PTPRN2: variants seen among roughly 807,000 people sequenced by gnomAD.
The protein encoded by PTPRN2 is receptor-type tyrosine-protein phosphatase N2.
In PTPRN2, 74 loss-of-function variants were observed where a neutral mutation model predicts 118.8. That is an observed-to-expected ratio of 0.62 (90% CI 0.52 to 0.76). The LOEUF (loss-of-function observed/expected upper bound fraction) is 0.76, where lower values mean the gene tolerates loss of function less well. Among genes scored for constraint, PTPRN2 ranks in the 30% least tolerant of loss-of-function variants. The probability of loss-of-function intolerance (pLI) is 0.00; values close to 1 mark genes in which losing one functional copy is unlikely to be tolerated. For missense variants in PTPRN2, 1,481 were observed against 1,394.4 expected, an observed-to-expected ratio of 1.06 and a Z score of -0.99; for synonymous variants, 641 against 608.0, an observed-to-expected ratio of 1.05 and a Z score of -0.80.
chr7:158,453,931 C>G (rs1459544480), intron 2 of PTPRN2, among the ~76,000 whole-genome samples: 1 of 76,546 alleles, frequency 1.3e-5, no homozygotes, highest in East Asian at 3.3e-4. Flanking sequence ...CTATGGAGGA[C>G]AGACAAGACA....
chr7:158,456,885 C>G (rs910315247), intron 2 of PTPRN2, among the ~76,000 whole-genome samples: 1 of 152,150 alleles, frequency 6.6e-6, no homozygotes, highest in Non-Finnish European at 1.5e-5. Context: ...ATGATTCCCC[C>G]GCCTCCATCT....
intron 1 of PTPRN2, among the ~76,000 whole-genome samples, chr7:158,530,676 GT>G (rs1169007740): frequency 1.2e-4 from 18 of 152,322 alleles, no homozygotes; most frequent in African/African-American, 4.3e-4. Context: ...ATGTGTGCAG[GT>G]TTACACTAAC....
chr7:158,530,767 C>T (rs1293833997), intron 1 of PTPRN2, among the ~76,000 whole-genome samples: 1 of 152,208 alleles, frequency 6.6e-6, no homozygotes, highest in East Asian at 1.9e-4. Context: ...AACATGCACA[C>T]TCCCAAGATC....
intron 11 of PTPRN2, among the ~76,000 whole-genome samples, chr7:157,999,695 A>G (rs761015592): frequency 2.6e-5 from 4 of 152,086 alleles, no homozygotes; most frequent in Non-Finnish European, 5.9e-5. Flanking sequence ...GGCCCACCTG[A>G]TAACGAGTTC....
intron 12 of PTPRN2, among the ~76,000 whole-genome samples, chr7:157,791,532 C>T (rs1376833365): frequency 6.8e-6 from 1 of 146,322 alleles, no homozygotes; most frequent in African/African-American, 2.6e-5. Context: ...CTGCACCCGC[C>T]CCCGCTCCCT....
At chr7:157,634,973 C>T (rs960154905) in intron 14 of PTPRN2, among the ~76,000 whole-genome samples, 1 of 152,218 alleles carries the variant, frequency 6.6e-6, no homozygotes, top group Admixed American at 6.5e-5. Flanking sequence ...TTCTGACCAG[C>T]CAGCATGTCT....
rs548252339 is a variant in PTPRN2 at position 158,299,604 on chromosome 7, A to AT, written c.277+17214dup. Among the ~76,000 whole-genome samples, 10 of 151,900 alleles carry AT rather than the reference A, an allele frequency of 6.6e-5. 1 individual carries two copies. In the South Asian group the frequency reaches 1.9e-3, roughly 29 times the overall value. On this transcript the variant is annotated intron_variant, in intron 3 of 22. Transcript: ENST00000389418. ...AGCCACCACGCCTGACCAGGAAGCA[A>AT]TTTTTTTTAGCTCATTAACATGGCA...
chr7:158,328,874 C>T (rs1234321716), intron 2 of PTPRN2, among the ~76,000 whole-genome samples: 2 of 140,512 alleles, frequency 1.4e-5, no homozygotes, highest in Non-Finnish European at 3.0e-5. Context: ...GAGCGACAAG[C>T]GGGACCTCTG....
At chr7:158,557,310 CGCTCCCGCGCAGGGCAGGCG>C (rs1196215767) in intron 1 of PTPRN2, among the ~76,000 whole-genome samples, 7 of 139,362 alleles carry the variant, frequency 5.0e-5, no homozygotes, top group South Asian at 2.3e-4. Flanking sequence ...CTGGGCAGGT[CGCTCCCGCGCAGGGCAGGCG>C]GCTCCCGCGC....
At chr7:158,120,541 T>C (rs1361123419) in intron 9 of PTPRN2, among the ~76,000 whole-genome samples, 1 of 152,208 alleles carries the variant, frequency 6.6e-6, no homozygotes, top group Admixed American at 6.5e-5. Flanking sequence ...GCAAAGCTCC[T>C]TTCTGCTCCC....
At position 157,550,653 on chromosome 7, in the gene PTPRN2, AT is replaced by A. The variant is rs1309157797; in HGVS notation, c.2903-1635del. Among the ~76,000 whole-genome samples, 1 of 152,182 alleles carries A rather than the reference AT, an allele frequency of 6.6e-6. No individual in the cohort carries two copies. Among genetic ancestry groups the A allele is most frequent in the African/African-American group, 2.4e-5 (1 of 41,438 alleles). On this transcript the variant is annotated intron_variant, in intron 21 of 22. Transcript: ENST00000389418. The surrounding 1 kb of genome is among the most constrained non-coding windows in gnomAD (Gnocchi z 5.2). ...TAAGCTGGCCGTCCCTCCAGCTCCC[AT>A]CCCCTGGTTAAAGGACCCCATTCTC...
chr7:158,337,277 TCA>T (rs1805802507), intron 2 of PTPRN2, among the ~76,000 whole-genome samples: 1 of 125,696 alleles, frequency 8.0e-6, no homozygotes, highest in Non-Finnish European at 1.7e-5. Flanking sequence ...TCACTCAAAC[TCA>T]CACTCTCACC....
intron 12 of PTPRN2, among the ~76,000 whole-genome samples, chr7:157,807,197 C>A (rs932785768): frequency 6.6e-6 from 1 of 152,230 alleles, no homozygotes; most frequent in South Asian, 2.1e-4. Context: ...TATGTTCCCA[C>A]AACAATGGGG....
rs1800933259 is a variant in PTPRN2, at chr7:157,953,021, C to A, written c.1724-54284G>T. Among the ~76,000 whole-genome samples the A allele has an allele frequency of 6.6e-6, 1 of 151,978 alleles. No individual in the cohort carries two copies. Among genetic ancestry groups the A allele is most frequent in the Non-Finnish European group, 1.5e-5 (1 of 67,982 alleles). On this transcript the variant is annotated intron_variant, in intron 11 of 22. Transcript: ENST00000389418. This position sits in a 1 kb window ranked among gnomAD's most constrained non-coding sequence, Gnocchi z 4.6. ...GTGAGCTATCCAGTTCCAGGAGCCA[C>A]CTGACCACAGGGTGAGCTGTCCAGT...
chr7:157,824,963 G>A (rs1807077446), intron 12 of PTPRN2, among the ~76,000 whole-genome samples: 1 of 152,162 alleles, frequency 6.6e-6, no homozygotes, highest in African/African-American at 2.4e-5. Context: ...TGGGAAAACT[G>A]AGGGCCTGGG....
In PTPRN2 at chr7:157,771,883, CACACAG is replaced by C. The variant is rs1490524718; in HGVS notation, c.1789-88952_1789-88947del. 4.1e-3 allele frequency among the ~76,000 whole-genome samples: 614 copies of C among 150,908 alleles called. 1 individual carries two copies. The highest frequency in any genetic ancestry group is 0.014 in the African/African-American group (579 of 41,066). ...ACGGAGACACAGGCACACATGAACA[CACACAG>C]ACACAGACACAAACACACACAGACA... On this transcript the variant is annotated intron_variant, in intron 12 of 22. Transcript: ENST00000389418.
chr7:157,888,924 T>G (rs2151302195), intron 12 of PTPRN2, among the ~76,000 whole-genome samples: 1 of 152,320 alleles, frequency 6.6e-6, no homozygotes, highest in Admixed American at 6.5e-5. Context: ...AATCTCCTGG[T>G]TTTGCCATAA....
At chr7:158,522,779 G>T (rs1012317402) in intron 1 of PTPRN2, among the ~76,000 whole-genome samples, 1 of 152,182 alleles carries the variant, frequency 6.6e-6, no homozygotes, top group African/African-American at 2.4e-5. Context: ...TTCTCACGTG[G>T]ACATTGGCTT....
At chr7:157,828,432 GC>G in intron 12 of PTPRN2, among the ~76,000 whole-genome samples, 1 of 152,296 alleles carries the variant, frequency 6.6e-6, no homozygotes, top group East Asian at 1.9e-4. Context: ...CCACAGCTGT[GC>G]CCCTCGGGAC....
Sources: gnomAD v4.1 joint callset for allele counts (sites outside exome capture counted in the v4.1 genomes callset) on GRCh38, gnomAD v4.1.1 for gene constraint, Gnocchi (gnomAD v3.1) non-coding constraint, MANE v1.5 for transcripts, NCBI Gene and HGNC (gene_info 2026-07-23, HGNC 2026-07-21) for gene names.